NT5C2: variants seen among roughly 807,000 people sequenced by gnomAD.
NT5C2 encodes cytosolic purine 5'-nucleotidase.
In NT5C2, 58 loss-of-function variants were observed where a neutral mutation model predicts 76.1. The ratio of observed to expected loss-of-function variants is 0.76; its 90% CI spans 0.62 to 0.95. The LOEUF is 0.95. Among genes scored for constraint, NT5C2 ranks in the 40% least tolerant of loss-of-function variants. The probability of loss-of-function intolerance (pLI) is 0.00; values close to 1 mark genes in which losing one functional copy is unlikely to be tolerated. For missense variants in NT5C2, 478 were observed against 690.3 expected, an observed-to-expected ratio of 0.69 and a Z score of 3.45; for synonymous variants, 229 against 237.4, an observed-to-expected ratio of 0.96 and a Z score of 0.32.
chr10:103,100,117 A>T, intron 8 of NT5C2, 98 bp from the exon 9 acceptor site: 1 of 729,970 alleles, frequency 1.4e-6, no homozygotes, highest in Admixed American at 2.1e-5. Context: ...TCCATATCAC[A>T]TGGGTAAAGG....
intron 3 of NT5C2, among the ~76,000 whole-genome samples, chr10:103,169,671 A>G (rs1197606668): frequency 1.3e-5 from 2 of 152,094 alleles, no homozygotes; most frequent in African/African-American, 2.4e-5. Context: ...CCAAGAACCC[A>G]AATTTTCTAC....
At chr10:103,178,341 A>G (rs1470773576) in intron 2 of NT5C2, among the ~76,000 whole-genome samples, 2 of 152,132 alleles carry the variant, frequency 1.3e-5, no homozygotes, top group Non-Finnish European at 2.9e-5. Context: ...TGAGCTCAAG[A>G]GTTTGAAAGC....
chr10:103,135,114 A>G (rs2078933798), intron 4 of NT5C2, among the ~76,000 whole-genome samples: 1 of 152,240 alleles, frequency 6.6e-6, no homozygotes, highest in South Asian at 2.1e-4. Context: ...TTTTTAGTTA[A>G]TGTTGAAATG....
intron 4 of NT5C2, among the ~76,000 whole-genome samples, chr10:103,107,775 T>C (rs2071718229): frequency 6.6e-6 from 1 of 152,218 alleles, no homozygotes. Flanking sequence ...TTTCAGGCAA[T>C]GAGGGGTTCT....
intron 4 of NT5C2, among the ~76,000 whole-genome samples, chr10:103,120,730 G>A (rs772181866): frequency 6.6e-6 from 1 of 152,208 alleles, no homozygotes; most frequent in Non-Finnish European, 1.5e-5. Context: ...GAACAGTTTG[G>A]CAGTTCTTTA....
chr10:103,156,072 G>A (rs2083306794), intron 3 of NT5C2, among the ~76,000 whole-genome samples: 1 of 151,980 alleles, frequency 6.6e-6, no homozygotes, highest in African/African-American at 2.4e-5. Context: ...AGGCTGAGGT[G>A]TGAGAATTAC....
intron 18 of NT5C2, among the ~76,000 whole-genome samples, chr10:103,090,377 T>C (rs986150241): frequency 2.0e-5 from 3 of 152,192 alleles, no homozygotes; most frequent in African/African-American, 7.2e-5. Flanking sequence ...CCACCATGCC[T>C]GGCCCACATA....
intron 3 of NT5C2, among the ~76,000 whole-genome samples, chr10:103,152,926 T>C (rs1463451744): frequency 6.6e-6 from 1 of 152,238 alleles, no homozygotes; most frequent in Non-Finnish European, 1.5e-5. Context: ...GTACAACTTA[T>C]TTTAAAACGC....
At chr10:103,178,666 AC>A in intron 2 of NT5C2, among the ~76,000 whole-genome samples, 1 of 151,556 alleles carries the variant, frequency 6.6e-6, no homozygotes, top group Non-Finnish European at 1.5e-5. Context: ...CCCCGTCTCT[AC>A]TAAATACAAA....
intron 3 of NT5C2, among the ~76,000 whole-genome samples, chr10:103,156,043 G>A (rs1488512913): frequency 6.6e-6 from 1 of 152,094 alleles, no homozygotes; most frequent in East Asian, 1.9e-4. Flanking sequence ...GCATGCACCT[G>A]TAGTCCCAGG....
At chr10:103,133,899 CTT>C (rs2078706365) in intron 4 of NT5C2, among the ~76,000 whole-genome samples, 1 of 152,084 alleles carries the variant, frequency 6.6e-6, no homozygotes, top group Admixed American at 6.5e-5. Flanking sequence ...AAAGCTGAGT[CTT>C]TATATATTTT....
intron 4 of NT5C2, among the ~76,000 whole-genome samples, chr10:103,119,167 C>CA (rs765064906): frequency 3.9e-5 from 6 of 152,052 alleles, no homozygotes; most frequent in Admixed American, 1.3e-4. Context: ...ATGGGGAGTT[C>CA]AAGACCAGCC....
At chr10:103,116,662 T>G (rs2074426826) in intron 4 of NT5C2, among the ~76,000 whole-genome samples, 1 of 147,784 alleles carries the variant, frequency 6.8e-6, no homozygotes. Flanking sequence ...CTCAAACTAC[T>G]AGGCTCAAGC....
chr10:103,101,237 G>C lies in NT5C2; in HGVS notation c.479C>G (p.Pro160Arg). The C allele has an allele frequency of 6.4e-7, 1 of 1,566,026 alleles. No individual in the cohort carries two copies. Among genetic ancestry groups the C allele is most frequent in the Non-Finnish European group, 8.8e-7 (1 of 1,136,836 alleles). ...AAATAAGCATAGAATGAATCTACCT[G>C]GTAGGTTGAATAGTGTGTTCAGAAT... Reference protein sequence around the residue: ...FYILNTLFNLPETYLLACLVD... With the variant: ...FYILNTLFNLRETYLLACLVD... Residue 160 changes from proline (P) to arginine (R), a missense_variant and splice_region_variant, in exon 7 of 19, where the codon CCA becomes CGA. By Grantham distance (103) the Pro-to-Arg change is moderately radical. Coordinates refer to ENST00000404739, the MANE Select transcript of NT5C2 (RefSeq NM_001351169.2).
At position 103,130,591 on chromosome 10, in the gene NT5C2, A is replaced by AG. The variant is rs1475035250; in HGVS notation, c.175+8814_175+8815insC. Among the ~76,000 whole-genome samples the AG allele has an allele frequency of 3.6e-3, 546 of 150,566 alleles. 6 individuals carry two copies. Among genetic ancestry groups the AG allele is most frequent in the African/African-American group, 0.013 (533 of 41,322 alleles). ...AAAAAAAAAATAAAAATTAAAAAAAAAAAAAAGAAAAATTAGAAGTTTACA... is the reference window on the plus strand; with the variant it reads ...AAAAAAAAAATAAAAATTAAAAAAAAGAAAAAAGAAAAATTAGAAGTTTACA... On this transcript the variant is annotated intron_variant, in intron 4 of 18. Coordinates refer to ENST00000404739, the MANE Select transcript of NT5C2 (RefSeq NM_001351169.2).
intron 3 of NT5C2, among the ~76,000 whole-genome samples, chr10:103,170,526 CTTTTT>C (rs71019664): frequency 1.3e-4 from 15 of 117,792 alleles, no homozygotes; most frequent in South Asian, 2.8e-4. Context: ...CACATGCACA[CTTTTT>C]TTTTTTTTTT....
intron 4 of NT5C2, chr10:103,125,278 A>G: frequency 3.2e-6 from 2 of 630,294 alleles, no homozygotes; most frequent in Non-Finnish European, 5.7e-6. Context: ...CAATGGAACC[A>G]TGCTTCATTG....
chr10:103,181,090 G>T (rs2090982964), intron 2 of NT5C2, 95 bp downstream of exon 2: 1 of 152,044 alleles, frequency 6.6e-6, no homozygotes. Flanking sequence ...GGGAGAAGGG[G>T]TGATACGTTC....
chr10:103,106,541 A>G, intron 5 of NT5C2, 48 bp downstream of exon 5: 1 of 1,138,928 alleles, frequency 8.8e-7, no homozygotes, highest in Non-Finnish European at 1.3e-6. Flanking sequence ...AGGGGTAAGG[A>G]AAGTAGTCTT....
Sources: allele counts gnomAD v4.1 joint callset (sites outside exome capture counted in the v4.1 genomes callset), GRCh38; gene constraint gnomAD v4.1.1; transcripts MANE v1.5; gene names NCBI Gene and HGNC (gene_info 2026-07-23, HGNC 2026-07-21).